The following BICRAL variants were observed in gnomAD, a reference collection of about 807,000 sequenced individuals.
The protein encoded by BICRAL is BRD4-interacting chromatin-remodeling complex-associated protein-like.
BICRAL carries 8 observed loss-of-function variants against 91.8 expected under a neutral mutation model. The ratio of observed to expected loss-of-function variants is 0.09; its 90% CI spans 0.05 to 0.16. The LOEUF is 0.16. Among genes scored for constraint, BICRAL ranks in the 10% least tolerant of loss-of-function variants. The pLI is 1.00. For synonymous variants in BICRAL, 445 were observed against 491.1 expected (o/e 0.91, Z 1.24); for missense variants, 1,038 against 1,310.9 (o/e 0.79, Z 3.21).
At chr6:42,840,782 A>T (rs1344731330) in intron 6 of BICRAL, among the ~76,000 whole-genome samples, 1 of 151,786 alleles carries the variant, frequency 6.6e-6, no homozygotes. Context: ...TTCAAATTTT[A>T]TTGAGAGCAG....
At chr6:42,814,499 G>GTGTGTATATATATATATATA (rs374054837) in intron 2 of BICRAL, among the ~76,000 whole-genome samples, 3 of 61,270 alleles carry the variant, frequency 4.9e-5, no homozygotes, top group African/African-American at 2.4e-4. Flanking sequence ...GTGTGTGTGT[G>GTGTGTATATATATATATATA]TATATATATA....
Position 42,857,199 on chromosome 6 carries a change from C to T in BICRAL, c.2217C>T (p.Cys739=). 2 of 1,613,552 alleles carry T rather than the reference C, an allele frequency of 1.2e-6. 1 individual carries two copies. The highest frequency in any genetic ancestry group is 3.3e-4 in the Middle Eastern group (2 of 6,060). Reference sequence around the variant, plus strand: ...AGAGACTGCTCTCCTACCACGTGTGCCAGGGCTCCATGCCCACTGAAGAAG... The same window carrying T: ...AGAGACTGCTCTCCTACCACGTGTGTCAGGGCTCCATGCCCACTGAAGAAG... ...AVQRLLSYHV[C]QGSMPTEEDL... is the part of the protein sequence containing the mutation. The change falls in exon 10 of 13, where the codon TGC becomes TGT. Residue 739 remains cysteine (C), a synonymous_variant. Coordinates refer to ENST00000314073, the MANE Select transcript of BICRAL (RefSeq NM_001393499.1).
chr6:42,783,313 G>C (rs1472461819), intron 1 of BICRAL, among the ~76,000 whole-genome samples: 1 of 152,074 alleles, frequency 6.6e-6, no homozygotes, highest in Non-Finnish European at 1.5e-5. Flanking sequence ...GGCCCGCGCT[G>C]TTCGCCGCGC....
chr6:42,798,154 A>G (rs914053869), intron 1 of BICRAL, among the ~76,000 whole-genome samples: 2 of 152,040 alleles, frequency 1.3e-5, no homozygotes, highest in Non-Finnish European at 2.9e-5. Flanking sequence ...GCATGGACAT[A>G]AAGATGGAAA....
At chr6:42,800,024 C>T (rs1185187652) in intron 1 of BICRAL, among the ~76,000 whole-genome samples, 1 of 151,960 alleles carries the variant, frequency 6.6e-6, no homozygotes. Flanking sequence ...GAATTACAGG[C>T]ATGCACTACC....
chr6:42,793,520 T>C (rs9471919), intron 1 of BICRAL, among the ~76,000 whole-genome samples: 149,054 of 150,680 alleles, frequency 0.99, 73,728 homozygotes, highest in East Asian at 1. Context: ...AACTCCTAAC[T>C]TCAAGTGATC....
chr6:42,789,294 A>T (rs552247596), intron 1 of BICRAL, among the ~76,000 whole-genome samples: 16 of 152,302 alleles, frequency 1.1e-4, no homozygotes, highest in South Asian at 6.2e-4. Flanking sequence ...GGTTTTCCCA[A>T]TCCTGGAAAA....
At position 42,867,610 on chromosome 6, in the gene BICRAL, G is replaced by A. The variant is rs372943974; in HGVS notation, c.*2164G>A. ...ACTTTATCCCTGGAAGCCTTCATGT[G>A]GGCTGCTAGTGAGTTACATTAATTA... On this transcript the variant is annotated 3_prime_UTR_variant, in exon 13 of 13. Transcript: ENST00000314073. 2.6e-5 allele frequency: 4 copies of A among 152,380 alleles called. No individual in the cohort carries two copies. Among genetic ancestry groups the A allele is most frequent in the African/African-American group, 9.6e-5 (4 of 41,514 alleles). 9.4% of individuals were successfully genotyped at this position (152,380 alleles called of 1,614,324 possible). A position where few individuals can be genotyped will look rare whatever the true frequency, so the allele number is the denominator to read the frequency against.
At chr6:42,795,380 G>A (rs1472909236) in intron 1 of BICRAL, among the ~76,000 whole-genome samples, 5 of 152,018 alleles carry the variant, frequency 3.3e-5, no homozygotes, top group South Asian at 4.2e-4. Context: ...GCAGTGTGCC[G>A]AGATCGTGCC....
At chr6:42,781,397 A>T (rs1762899868), upstream of BICRAL, among the ~76,000 whole-genome samples, 1 of 152,176 alleles carries the variant, frequency 6.6e-6, no homozygotes. Context: ...AGGAAAGCTT[A>T]GTACATTTGA....
chr6:42,854,854 T>C (rs1765298753), intron 8 of BICRAL, among the ~76,000 whole-genome samples: 1 of 152,142 alleles, frequency 6.6e-6, no homozygotes, highest in South Asian at 2.1e-4. Flanking sequence ...TTTTGATACA[T>C]GATAGATGTA....
rs1581636870 is a variant in BICRAL at position 42,857,122 on chromosome 6, C to T, written c.2140C>T (p.His714Tyr). The T allele has an allele frequency of 6.2e-7, 1 of 1,613,668 alleles. No homozygotes were observed. The highest frequency in any genetic ancestry group is 8.5e-7 in the Non-Finnish European group (1 of 1,179,636). Residue 714 changes from histidine to tyrosine, a missense_variant, in exon 10 of 13, where the codon CAC becomes TAC. Physicochemically the swap from His to Tyr is moderately conservative, Grantham distance 83 (BLOSUM62 2). Coordinates refer to ENST00000314073, the MANE Select transcript of BICRAL (RefSeq NM_001393499.1). ...CCAGCAGTTGCAGAGGGACCAAGCC[C>T]ACACTGTGACACCAGACAAAAGTCA... ...ILQQLQRDQA[H>Y]TVTPDKSHFR...
intron 12 of BICRAL, 37 bp downstream of exon 12, chr6:42,862,649 T>C: frequency 8.1e-7 from 1 of 1,239,650 alleles, no homozygotes; most frequent in Non-Finnish European, 1.2e-6. Context: ...GGATAGCTCC[T>C]GCCATGGTTC....
chr6:42,764,635 T>C (rs2078409158), intron 1 of BICRAL, among the ~76,000 whole-genome samples: 1 of 152,156 alleles, frequency 6.6e-6, no homozygotes, highest in African/African-American at 2.4e-5. Flanking sequence ...TAGGTTGTAT[T>C]CTTTTTATAG....
intron 1 of BICRAL, among the ~76,000 whole-genome samples, chr6:42,756,366 T>C (rs1279927012): frequency 6.6e-6 from 1 of 152,182 alleles, no homozygotes; most frequent in Non-Finnish European, 1.5e-5. Context: ...TAAACTTCTC[T>C]GTGTCCATCC....
Position 42,811,252 on chromosome 6 carries a change from A to G in BICRAL, c.-6+851A>G, listed in dbSNP as rs750447334. Among the ~76,000 whole-genome samples, 7 of 152,202 alleles carry G rather than the reference A, an allele frequency of 4.6e-5. No homozygotes were observed. In the South Asian group the frequency reaches 6.2e-4, roughly 13 times the overall value. On this transcript the variant is annotated intron_variant, in intron 2 of 12. Transcript: ENST00000314073. Reference sequence around the variant, plus strand: ...TTACTGTCAAGAGTGTTTCCTTACCATAGCTCAGGGGAGGAGGAATCCACA... The same window carrying G: ...TTACTGTCAAGAGTGTTTCCTTACCGTAGCTCAGGGGAGGAGGAATCCACA...
At chr6:42,765,719 C>T (rs1384917937) in intron 1 of BICRAL, among the ~76,000 whole-genome samples, 1 of 152,092 alleles carries the variant, frequency 6.6e-6, no homozygotes, top group Non-Finnish European at 1.5e-5. Context: ...CTTCATGTAT[C>T]GTACAAGTGG....
intron 1 of BICRAL, among the ~76,000 whole-genome samples, chr6:42,798,673 G>A (rs111981914): frequency 6.6e-6 from 1 of 152,134 alleles, no homozygotes; most frequent in Non-Finnish European, 1.5e-5. Context: ...TCCAGCCTGG[G>A]TACTGTCTCT....
chr6:42,748,788 C>G (rs1762331122), intron 1 of BICRAL, among the ~76,000 whole-genome samples: 1 of 152,192 alleles, frequency 6.6e-6, no homozygotes, highest in Non-Finnish European at 1.5e-5. Flanking sequence ...GGAGATAAAG[C>G]TGTTTCTGAG....
Sources: gnomAD v4.1 joint callset for allele counts (sites outside exome capture counted in the v4.1 genomes callset) on GRCh38, gnomAD v4.1.1 for gene constraint, MANE v1.5 for transcripts, NCBI Gene and HGNC (gene_info 2026-07-23, HGNC 2026-07-21) for gene names.